The following MTFR1 variants were observed in gnomAD, a reference collection of about 807,000 sequenced individuals.
MTFR1 encodes chondrocyte protein with a poly-proline region.
In MTFR1, 28 loss-of-function variants were observed where a neutral mutation model predicts 38.8. That is an observed-to-expected ratio of 0.72 (90% CI 0.53 to 0.99). The LOEUF (loss-of-function observed/expected upper bound fraction) is 0.99. Among genes scored for constraint, MTFR1 ranks in the 50% least tolerant of loss-of-function variants. The pLI is 0.00. For synonymous variants in MTFR1, 145 were observed against 137.0 expected, an observed-to-expected ratio of 1.06 and a Z score of -0.41; for missense variants, 358 against 395.5, an observed-to-expected ratio of 0.91 and a Z score of 0.81.
At chr8:65,657,388 A>G (rs1809297658) in intron 1 of MTFR1, among the ~76,000 whole-genome samples, 1 of 152,170 alleles carries the variant, frequency 6.6e-6, no homozygotes, top group African/African-American at 2.4e-5. Context: ...AGGAAAAACC[A>G]TATTCACACC....
At chr8:65,719,541 C>G in intron 3 of MTFR1, 1 of 1,250,846 alleles carries the variant, frequency 8.0e-7, no homozygotes, top group African/African-American at 1.5e-5. Context: ...TGCTGAAACT[C>G]TATCTTTAAA....
At chr8:65,668,230 T>G (rs964035357) in intron 1 of MTFR1, among the ~76,000 whole-genome samples, 8 of 147,660 alleles carry the variant, frequency 5.4e-5, no homozygotes, top group Admixed American at 3.6e-4. Context: ...CAGGCTAGAG[T>G]GTAGTGGCGT....
intron 4 of MTFR1, among the ~76,000 whole-genome samples, chr8:65,697,671 T>G (rs181170020): frequency 6.6e-6 from 1 of 152,340 alleles, no homozygotes. Context: ...CTGGGTCAAA[T>G]AGTAGTTACT....
intron 3 of MTFR1, among the ~76,000 whole-genome samples, chr8:65,688,534 C>A (rs1805171151): frequency 6.7e-6 from 1 of 149,678 alleles, no homozygotes; most frequent in Admixed American, 6.6e-5. Flanking sequence ...CTGCAAGCTC[C>A]GCCTCCCAGG....
At chr8:65,672,096 C>T (rs1423903849) in intron 2 of MTFR1, among the ~76,000 whole-genome samples, 1 of 152,180 alleles carries the variant, frequency 6.6e-6, no homozygotes, top group Non-Finnish European at 1.5e-5. Flanking sequence ...AATGGACCAG[C>T]TAAAGGAGGA....
intron 3 of MTFR1, among the ~76,000 whole-genome samples, chr8:65,723,941 A>G (rs953214872): frequency 2.0e-5 from 3 of 152,182 alleles, no homozygotes; most frequent in Non-Finnish European, 2.9e-5. Context: ...AAAGTTTTAC[A>G]TGTTCATATG....
intron 1 of MTFR1, among the ~76,000 whole-genome samples, chr8:65,662,050 T>TCTCCCTCTCTCC: frequency 2.9e-5 from 2 of 68,292 alleles, no homozygotes; most frequent in East Asian, 3.4e-4. Context: ...TCCCTCTCTC[T>TCTCCCTCTCTCC]CTCCCTCTCT....
At chr8:65,671,757 A>G (rs1585761971) in intron 2 of MTFR1, among the ~76,000 whole-genome samples, 2 of 152,276 alleles carry the variant, frequency 1.3e-5, no homozygotes, top group Admixed American at 1.3e-4. Flanking sequence ...TGGGTCCTGG[A>G]TTTAAACACA....
chr8:65,693,712 T>A lies in MTFR1; in HGVS notation c.234T>A (p.Asp78Glu), dbSNP rs143932035. Reference protein sequence around the residue: ...PGEDAVASFADVGWVAKEEGE... With the variant: ...PGEDAVASFAEVGWVAKEEGE... ...AGGATGCAGTGGCGTCTTTTGCTGA[T>A]GTTGGATGGGTAGCCAAAGAAGAAG... Residue 78 changes from aspartate to glutamate, a missense_variant, in exon 4 of 8, where the codon GAT becomes GAA. Physicochemically the swap from Asp to Glu is conservative, Grantham distance 45. Coordinates refer to ENST00000262146, the MANE Select transcript of MTFR1 (RefSeq NM_014637.4). 125 of 1,614,146 alleles carry A rather than the reference T, an allele frequency of 7.7e-5. No homozygotes were observed. The African/African-American group carries it at 1.3e-3, about 17-fold the overall frequency.
chr8:65,657,481 T>C lies in MTFR1; in HGVS notation c.-80-12392T>C, dbSNP rs376621126. Reference sequence around the variant, plus strand: ...GTTTTGGGAGGCTGAGGCAGGAGTATTGCCTGAGCTCAGGAGTTTGAGGCT... The same window carrying C: ...GTTTTGGGAGGCTGAGGCAGGAGTACTGCCTGAGCTCAGGAGTTTGAGGCT... On this transcript the variant is annotated intron_variant, in intron 1 of 7. Transcript: ENST00000262146. Among the ~76,000 whole-genome samples, 4 of 152,140 alleles carry C rather than the reference T, an allele frequency of 2.6e-5. No homozygotes were observed. The East Asian group carries it at 7.7e-4, about 29-fold the overall frequency.
intron 3 of MTFR1, among the ~76,000 whole-genome samples, chr8:65,688,736 C>T (rs572947461): frequency 2.0e-5 from 3 of 151,928 alleles, no homozygotes; most frequent in East Asian, 4.0e-4. Context: ...TAAGCCACCG[C>T]GCCCAGCCTG....
intron 3 of MTFR1, among the ~76,000 whole-genome samples, chr8:65,762,923 G>C (rs1419504378): frequency 6.6e-6 from 1 of 151,890 alleles, no homozygotes; most frequent in Non-Finnish European, 1.5e-5. Context: ...GATTGCTTGA[G>C]CCCAGGAGTT....
intron 1 of MTFR1, among the ~76,000 whole-genome samples, chr8:65,669,223 T>C (rs932583892): frequency 2.6e-4 from 39 of 152,110 alleles, no homozygotes; most frequent in African/African-American, 8.9e-4. Context: ...ATCTTTGGAG[T>C]TGGGGACATG....
intron 3 of MTFR1, chr8:65,727,213 G>A: frequency 1.2e-6 from 2 of 1,613,100 alleles, no homozygotes; most frequent in Non-Finnish European, 1.7e-6. Flanking sequence ...AATAAGGAAA[G>A]GTTGATTAAC....
intron 4 of MTFR1, among the ~76,000 whole-genome samples, chr8:65,697,307 C>T (rs1002832576): frequency 6.6e-5 from 10 of 152,098 alleles, no homozygotes; most frequent in African/African-American, 1.4e-4. Context: ...CTCTCCAAGT[C>T]GGAATCAAAC....
intron 3 of MTFR1, among the ~76,000 whole-genome samples, chr8:65,761,813 T>G (rs1808509766): frequency 1.3e-5 from 2 of 152,154 alleles, no homozygotes; most frequent in South Asian, 4.1e-4. Context: ...CTCCTCATAT[T>G]AGAAAGTAGA....
chr8:65,694,072 C>CTTT (rs773434384), intron 4 of MTFR1, among the ~76,000 whole-genome samples: 8 of 109,650 alleles, frequency 7.3e-5, no homozygotes, highest in Admixed American at 9.9e-5. Context: ...CTGGCTAATT[C>CTTT]TTTTTTTTTT....
intron 4 of MTFR1, among the ~76,000 whole-genome samples, chr8:65,702,301 T>TC (rs1180965363): frequency 7.0e-6 from 1 of 143,750 alleles, no homozygotes; most frequent in Admixed American, 6.8e-5. Flanking sequence ...TTCTTTCTTT[T>TC]TTTTTTTTTT....
chr8:65,725,144 A>G (rs1418531261), intron 3 of MTFR1, among the ~76,000 whole-genome samples: 1 of 152,136 alleles, frequency 6.6e-6, no homozygotes, highest in African/African-American at 2.4e-5. Context: ...GAAAATACCA[A>G]TATGCAAACA....
Sources: allele counts gnomAD v4.1 joint callset (sites outside exome capture counted in the v4.1 genomes callset), GRCh38; gene constraint gnomAD v4.1.1; transcripts MANE v1.5; gene names NCBI Gene and HGNC (gene_info 2026-07-23, HGNC 2026-07-21).